The following CD22 variants were observed in gnomAD, a reference collection of about 807,000 sequenced individuals.
The protein encoded by CD22 is CD22 molecule.
A neutral mutation model predicts 94.7 loss-of-function variants in CD22; 51 were observed. The ratio of observed to expected loss-of-function variants is 0.54; its 90% CI spans 0.43 to 0.68. CD22 has a LOEUF of 0.68. Ranked by LOEUF, CD22 falls within the 30% of genes least tolerant of loss-of-function variation. The pLI is 0.00. For synonymous variants in CD22, 424 were observed against 422.5 expected, an observed-to-expected ratio of 1.00 and a Z score of -0.04; for missense variants, 931 against 1,060.4, an observed-to-expected ratio of 0.88 and a Z score of 1.69.
intron 9 of CD22, among the ~76,000 whole-genome samples, chr19:35,342,956 G>C (rs886279420): frequency 2.0e-5 from 3 of 152,014 alleles, no homozygotes; most frequent in Non-Finnish European, 4.4e-5. Flanking sequence ...GACTACAGGC[G>C]CCTGCCACCA....
At chr19:35,333,127 C>T (rs992941066) in intron 3 of CD22, 71 of 549,098 alleles carry the variant, frequency 1.3e-4, no homozygotes, top group African/African-American at 1.2e-3. Context: ...AGTTCCTGCC[C>T]CTCTGGGACC....
rs1260792287 is a variant in CD22, at chr19:35,347,096, C to G, written c.*399C>G. 5.9e-6 allele frequency: 1 copy of G among 168,596 alleles called. No individual in the cohort carries two copies. Among genetic ancestry groups the G allele is most frequent in the Admixed American group, 5.8e-5 (1 of 17,208 alleles). 10.4% of individuals were successfully genotyped at this position (168,596 alleles called of 1,614,324 possible). ...CTTCTCCATCTCTCTGGCCCTCTAC[C>G]CCTGATCTGACATCCCCACTCACGA... On this transcript the variant is annotated 3_prime_UTR_variant, in exon 14 of 14. Coordinates refer to ENST00000085219, the MANE Select transcript of CD22 (RefSeq NM_001771.4).
rs370763151 is a variant in CD22 at position 35,338,549 on chromosome 19, G to A, written c.1249+118G>A. 99 of 1,069,038 alleles carry A rather than the reference G, an allele frequency of 9.3e-5. No individual in the cohort carries two copies. The South Asian group carries it at 1.5e-3, about 16-fold the overall frequency. 66.2% of individuals were successfully genotyped at this position (1,069,038 alleles called of 1,614,324 possible). ...GAGTCAAGAGCAAGGAGCAGCCAGGGTCTCCTGTTCACAACTGCTGTCTCA... is the reference window on the plus strand; with the variant it reads ...GAGTCAAGAGCAAGGAGCAGCCAGGATCTCCTGTTCACAACTGCTGTCTCA... On this transcript the variant is annotated intron_variant, in intron 6 of 13. Transcript: ENST00000085219.
Position 35,341,759 on chromosome 19 carries a change from A to G in CD22, c.1829A>G (p.Lys610Arg), listed in dbSNP as rs758026705. The part of the protein sequence containing the change: ...MSPGDQVMEG[K>R]SATLTCESDA... ...CCGGGGGACCAAGTGATGGAGGGGA[A>G]GAGTGCAACCCTGACCTGTGAGAGC... The change falls in exon 9 of 14, where the codon AAG becomes AGG. Residue 610 changes from lysine to arginine, a missense_variant. Physicochemically the swap from Lys to Arg is conservative, Grantham distance 26. Coordinates refer to ENST00000085219, the MANE Select transcript of CD22 (RefSeq NM_001771.4). The surrounding 1 kb of genome is among the most constrained non-coding windows in gnomAD (Gnocchi z 4.0). 1 of 1,612,274 alleles carries G rather than the reference A, an allele frequency of 6.2e-7. No individual in the cohort carries two copies. Among genetic ancestry groups the G allele is most frequent in the Admixed American group, 1.7e-5 (1 of 60,002 alleles).
At chr19:35,333,080 C>CT in intron 3 of CD22, 156 bp downstream of exon 3, 1 of 707,792 alleles carries the variant, frequency 1.4e-6, no homozygotes, top group Non-Finnish European at 2.3e-6. Flanking sequence ...CAGCACTAGA[C>CT]AGAGCTGCGG....
intron 9 of CD22, 147 bp downstream of exon 9, chr19:35,342,112 T>TCC (rs374879410): frequency 2.9e-5 from 19 of 645,442 alleles, no homozygotes; most frequent in East Asian, 5.6e-5. Flanking sequence ...CTCTTCCTCC[T>TCC]TCTTCTTCTT....
chr19:35,337,625 G>T lies in CD22; in HGVS notation c.719-130G>T. 1 of 774,998 alleles carries T rather than the reference G, an allele frequency of 1.3e-6. No homozygotes were observed. Among genetic ancestry groups the T allele is most frequent in the Non-Finnish European group, 2.0e-6 (1 of 494,544 alleles). 48.0% of individuals were successfully genotyped at this position (774,998 alleles called of 1,614,324 possible). The stretch of plus-strand genomic sequence containing the variant: ...GAGGGGGAAGCTGAGAGCCGAGTTA[G>T]GAGGCTGTGACCATCACCTGGGTGA... On this transcript the variant is annotated intron_variant, in intron 4 of 13. Transcript: ENST00000085219. This position sits in a 1 kb window ranked among gnomAD's most constrained non-coding sequence, Gnocchi z 4.4.
At chr19:35,339,521 C>T (rs1170259731) in intron 6 of CD22, among the ~76,000 whole-genome samples, 1 of 152,044 alleles carries the variant, frequency 6.6e-6, no homozygotes, top group Non-Finnish European at 1.5e-5. Context: ...CATGCCGCTG[C>T]ACTCCAGCCT....
chr19:35,341,210 C>G lies in CD22; in HGVS notation c.1507+72C>G. ...GGATGAGGGGATGAAGGCAACGAGG[C>G]CGGAGCCTGGGCCAGTGTCTTCAAC... On this transcript the variant is annotated intron_variant, in intron 7 of 13. Transcript: ENST00000085219. The surrounding 1 kb of genome is among the most constrained non-coding windows in gnomAD (Gnocchi z 4.0). 1.2e-6 allele frequency: 2 copies of G among 1,605,364 alleles called. No individual in the cohort carries two copies. Among genetic ancestry groups the G allele is most frequent in the South Asian group, 2.2e-5 (2 of 90,480 alleles).
In CD22 at chr19:35,341,264, G is replaced by A; in HGVS notation, c.1508-79G>A. ...ATTGAGGGACAGGAGCCTGGCGTCA[G>A]GGCCAAGGGGAGGGGAGGCCTGGGG... On this transcript the variant is annotated intron_variant, in intron 7 of 13. Coordinates refer to ENST00000085219, the MANE Select transcript of CD22 (RefSeq NM_001771.4). This position sits in a 1 kb window ranked among gnomAD's most constrained non-coding sequence, Gnocchi z 4.0. 1.9e-6 allele frequency: 3 copies of A among 1,594,982 alleles called. No homozygotes were observed. The highest frequency in any genetic ancestry group is 2.6e-6 in the Non-Finnish European group (3 of 1,168,642).
chr19:35,338,485 G>C (rs988438079), intron 6 of CD22, 54 bp downstream of exon 6: 3 of 1,565,242 alleles, frequency 1.9e-6, no homozygotes, highest in Non-Finnish European at 2.6e-6. Context: ...CACAGGGAAC[G>C]GGGAAGGCAG....
intron 6 of CD22, among the ~76,000 whole-genome samples, chr19:35,338,998 G>C (rs1373972904): frequency 6.6e-6 from 1 of 151,768 alleles, no homozygotes. Context: ...TCTTTAGGAG[G>C]CTGAGGCAGG....
chr19:35,345,951 A>G (rs569088038), intron 12 of CD22, among the ~76,000 whole-genome samples, 200 bp from the exon 13 acceptor site: 1 of 152,232 alleles, frequency 6.6e-6, no homozygotes, highest in Admixed American at 6.5e-5. Context: ...AAAGATCAAG[A>G]CCTCATGATA....
At chr19:35,333,620 C>A (rs1471156850) in intron 3 of CD22, among the ~76,000 whole-genome samples, 2 of 152,108 alleles carry the variant, frequency 1.3e-5, no homozygotes, top group African/African-American at 4.8e-5. Flanking sequence ...TGCAGTGGCG[C>A]GATCTCAGCT....
intron 11 of CD22, 182 bp from the exon 12 acceptor site, chr19:35,345,420 C>CAAAAAAAAAAAAAAAAAAAA: frequency 6.5e-6 from 1 of 152,950 alleles, no homozygotes; most frequent in Admixed American, 1.2e-4. Context: ...GACTCTGCCT[C>CAAAAAAAAAAAAAAAAAAAA]AAAAAAAAAA....
intron 1 of CD22, chr19:35,331,052 T>C (rs1185217735): frequency 6.6e-6 from 1 of 152,070 alleles, no homozygotes; most frequent in Non-Finnish European, 1.5e-5. Flanking sequence ...CTCATGAGTA[T>C]CTGGGATTAC....
intron 9 of CD22, among the ~76,000 whole-genome samples, chr19:35,343,474 TC>T (rs2066849271): frequency 6.6e-6 from 1 of 152,156 alleles, no homozygotes; most frequent in South Asian, 2.1e-4. Flanking sequence ...TATATACCCT[TC>T]CTCATGACAC....
chr19:35,335,623 C>A (rs777943554), intron 3 of CD22, among the ~76,000 whole-genome samples: 8 of 151,466 alleles, frequency 5.3e-5, no homozygotes, highest in Non-Finnish European at 1.2e-4. Context: ...GAGGCCAAGG[C>A]GGGAGGATCA....
At position 35,341,885 on chromosome 19, in the gene CD22, A is replaced by G; in HGVS notation, c.1955A>G (p.Gln652Arg). 6.2e-7 allele frequency: 1 copy of G among 1,614,076 alleles called. No individual in the cohort carries two copies. Residue 652 changes from glutamine to arginine, a missense_variant, in exon 9 of 14, where the codon CAG becomes CGG. Physicochemically the swap from Gln to Arg is conservative, Grantham distance 43. Transcript: ENST00000085219. This position sits in a 1 kb window ranked among gnomAD's most constrained non-coding sequence, Gnocchi z 4.0. ...CTGAGATTGGAGCCGGTGAAGGTCC[A>G]GCACTCGGGTGCCTACTGGTGCCAG... is the stretch of plus-strand genomic sequence containing the variant. ...QKLRLEPVKV[Q>R]HSGAYWCQGT...
Sources: allele counts gnomAD v4.1 joint callset (sites outside exome capture counted in the v4.1 genomes callset), GRCh38; gene constraint gnomAD v4.1.1; non-coding constraint Gnocchi (gnomAD v3.1); transcripts MANE v1.5; gene names NCBI Gene and HGNC (gene_info 2026-07-23, HGNC 2026-07-21).